IL1RAPL1: variants seen among roughly 807,000 people sequenced by gnomAD.
The protein encoded by IL1RAPL1 is interleukin 1 receptor accessory protein like 1, also known as interleukin-1 receptor accessory protein-like 1.
IL1RAPL1 carries 3 observed loss-of-function variants against 48.4 expected under a neutral mutation model. That is an observed-to-expected ratio of 0.06 (90% CI 0.03 to 0.16). The LOEUF (loss-of-function observed/expected upper bound fraction) is 0.16, where lower values mean the gene tolerates loss of function less well. Ranked by LOEUF, IL1RAPL1 falls within the 10% of genes least tolerant of loss-of-function variation. The pLI, the probability that IL1RAPL1 is intolerant of heterozygous loss-of-function variation, is 1.00. For synonymous variants in IL1RAPL1, 185 were observed against 187.7 expected, an observed-to-expected ratio of 0.99 and a Z score of 0.12; for missense variants, 349 against 530.6, an observed-to-expected ratio of 0.66 and a Z score of 3.36.
At chrX:29,229,503 T>C (rs1931153093) in intron 2 of IL1RAPL1, among the ~76,000 whole-genome samples, 1 of 112,224 alleles carries the variant, frequency 8.9e-6, no homozygotes, top group African/African-American at 3.2e-5. Context: ...TTTCTACCAC[T>C]AAAGTTGCTA....
intron 2 of IL1RAPL1, chrX:28,942,066 G>A (rs1004487326): frequency 9.1e-6 from 1 of 109,827 alleles, no homozygotes; most frequent in Admixed American, 9.8e-5. Flanking sequence ...TCCGTAGAGA[G>A]AATACGATAA....
At chrX:29,445,104 T>C (rs183355634) in intron 5 of IL1RAPL1, among the ~76,000 whole-genome samples, 162 of 112,563 alleles carry the variant, frequency 1.4e-3, no homozygotes, top group Middle Eastern at 4.6e-3. Flanking sequence ...TTAGATTGGG[T>C]AAACAGAAGC....
intron 2 of IL1RAPL1, among the ~76,000 whole-genome samples, chrX:29,117,760 C>T (rs757304447): frequency 9.0e-6 from 1 of 111,003 alleles, no homozygotes; most frequent in Non-Finnish European, 1.9e-5. Flanking sequence ...GTTTTTCATT[C>T]GTTTCCAAAA....
At chrX:29,210,695 A>G (rs1390949959) in intron 2 of IL1RAPL1, among the ~76,000 whole-genome samples, 1 of 111,742 alleles carries the variant, frequency 8.9e-6, no homozygotes, top group Non-Finnish European at 1.9e-5. Context: ...CTAAGCTCGC[A>G]TGATAAAATG....
At chrX:29,725,286 T>C (rs1263294161) in intron 6 of IL1RAPL1, among the ~76,000 whole-genome samples, 2 of 111,165 alleles carry the variant, frequency 1.8e-5, no homozygotes, top group East Asian at 5.6e-4. Flanking sequence ...CAGCTTAGTC[T>C]CTCTTTCACC....
chrX:29,952,276 C>T (rs747473319), intron 9 of IL1RAPL1, among the ~76,000 whole-genome samples: 1 of 111,597 alleles, frequency 9.0e-6, no homozygotes, highest in East Asian at 2.8e-4. Flanking sequence ...ACACTTTGCA[C>T]TACTTTGTGG....
chrX:29,241,312 T>C (rs1425218754), intron 2 of IL1RAPL1, among the ~76,000 whole-genome samples: 2 of 111,831 alleles, frequency 1.8e-5, no homozygotes, highest in Non-Finnish European at 3.8e-5. Context: ...AAATGGTGAG[T>C]TGGGATACCA....
chrX:29,841,947 G>A (rs1440787625), intron 6 of IL1RAPL1, among the ~76,000 whole-genome samples: 1 of 112,004 alleles, frequency 8.9e-6, no homozygotes, highest in Non-Finnish European at 1.9e-5. Flanking sequence ...GACTACCAGA[G>A]GAAACCAGGC....
At chrX:29,013,512 A>G (rs1926172735) in intron 2 of IL1RAPL1, among the ~76,000 whole-genome samples, 1 of 112,354 alleles carries the variant, frequency 8.9e-6, no homozygotes, top group Non-Finnish European at 1.9e-5. Flanking sequence ...TGGTACATAT[A>G]CACCATGGAA....
chrX:28,872,775 A>G (rs1405322963), intron 2 of IL1RAPL1, among the ~76,000 whole-genome samples: 2 of 112,295 alleles, frequency 1.8e-5, no homozygotes, highest in Non-Finnish European at 3.8e-5. Context: ...GCCAGTTGGC[A>G]TTGTCTTGTG....
chrX:29,567,404 G>A (rs184828086), intron 5 of IL1RAPL1, among the ~76,000 whole-genome samples: 106 of 111,807 alleles, frequency 9.5e-4, no homozygotes, highest in African/African-American at 3.2e-3. Context: ...AAATTTAGTG[G>A]AGAGGAAGGT....
chrX:29,074,240 A>G (rs1927624689), intron 2 of IL1RAPL1, among the ~76,000 whole-genome samples: 1 of 111,375 alleles, frequency 9.0e-6, no homozygotes, highest in African/African-American at 3.3e-5. Flanking sequence ...ATTGAACTCA[A>G]TTCTACACAT....
chrX:29,121,270 G>A (rs1257763454), intron 2 of IL1RAPL1, among the ~76,000 whole-genome samples: 1 of 111,695 alleles, frequency 9.0e-6, no homozygotes, highest in Non-Finnish European at 1.9e-5. Flanking sequence ...AAAATAAAAG[G>A]TACAGATGCT....
chrX:28,937,712 A>G (rs1924054194), intron 2 of IL1RAPL1, among the ~76,000 whole-genome samples: 1 of 111,672 alleles, frequency 9.0e-6, no homozygotes, highest in Non-Finnish European at 1.9e-5. Context: ...AGGACATCCA[A>G]ATAGGAAGAG....
At position 29,926,859 on chromosome X, in the gene IL1RAPL1, A is replaced by G. The variant is rs762669672; in HGVS notation, c.1057+6765A>G. Among the ~76,000 whole-genome samples, 5 of 111,903 alleles carry G rather than the reference A, an allele frequency of 4.5e-5. No individual in the cohort carries two copies. In the South Asian group the frequency reaches 1.9e-3, roughly 42 times the overall value. ...ACAAGCACTGCTCTACAGTATAGATATAAAAAACTCAGTCTTCCTGGAAAT... is the reference window on the plus strand; with the variant it reads ...ACAAGCACTGCTCTACAGTATAGATGTAAAAAACTCAGTCTTCCTGGAAAT... On this transcript the variant is annotated intron_variant, in intron 8 of 10. Transcript: ENST00000378993.
chrX:29,876,650 C>T (rs985536788), intron 6 of IL1RAPL1, among the ~76,000 whole-genome samples: 1 of 110,883 alleles, frequency 9.0e-6, no homozygotes, highest in African/African-American at 3.3e-5. Flanking sequence ...AAGAACAGTG[C>T]GATGTAGTAG....
intron 5 of IL1RAPL1, among the ~76,000 whole-genome samples, chrX:29,601,102 G>A (rs1923705148): frequency 1.8e-5 from 2 of 111,805 alleles, no homozygotes; most frequent in Non-Finnish European, 1.9e-5. Flanking sequence ...CTCCACAAAG[G>A]TGTAATTTTT....
rs17282527 is a variant in IL1RAPL1, at chrX:29,078,544, C to T, written c.83-204394C>T. Among the ~76,000 whole-genome samples, 1,041 of 112,001 alleles carry T rather than the reference C, an allele frequency of 9.3e-3. 8 individuals carry two copies. The highest frequency in any genetic ancestry group is 0.012 in the Non-Finnish European group (646 of 53,192). On this transcript the variant is annotated intron_variant, in intron 2 of 10. Coordinates refer to ENST00000378993, the MANE Select transcript of IL1RAPL1 (RefSeq NM_014271.4). ...GCCAACAAAAATTACATAATCAGTG[C>T]TCCGTAAATTAGCTATTACGTAGGT... is the stretch of plus-strand genomic sequence containing the variant.
chrX:29,127,700 C>T (rs888831351), intron 2 of IL1RAPL1, among the ~76,000 whole-genome samples: 1 of 111,896 alleles, frequency 8.9e-6, no homozygotes, highest in African/African-American at 3.3e-5. Flanking sequence ...TGGCTCACGC[C>T]TGTAATCCCA....
Sources: gnomAD v4.1 joint callset for allele counts (sites outside exome capture counted in the v4.1 genomes callset) on GRCh38, gnomAD v4.1.1 for gene constraint, MANE v1.5 for transcripts, NCBI Gene and HGNC (gene_info 2026-07-23, HGNC 2026-07-21) for gene names.